Variants in COL22A1 observed in about 807,000 individuals in gnomAD.
COL22A1 encodes the protein collagen alpha-1(XXII) chain.
A neutral mutation model predicts 248.9 loss-of-function variants in COL22A1; 221 were observed. The observed-to-expected ratio is 0.89, with a 90% CI of 0.80 to 0.99. The LOEUF is 0.99. Among genes scored for constraint, COL22A1 ranks in the 50% least tolerant of loss-of-function variants. COL22A1 has a pLI of 0.00. For missense variants in COL22A1, 2,240 were observed against 2,179.0 expected, an observed-to-expected ratio of 1.03 and a Z score of -0.56; for synonymous variants, 891 against 793.4, an observed-to-expected ratio of 1.12 and a Z score of -2.07.
rs570219516 is a variant in COL22A1, at chr8:138,657,215, C to A, written c.3286-1271G>T. On this transcript the variant is annotated intron_variant, in intron 44 of 64. Coordinates refer to ENST00000303045, the MANE Select transcript of COL22A1 (RefSeq NM_152888.3). ...GGCTAAAGCCAAGGCCAACACCTCC[C>A]CAGTTATCTGAGTGACGTCCTCTGA... 6.6e-5 allele frequency among the ~76,000 whole-genome samples: 10 copies of A among 152,328 alleles called. No individual in the cohort carries two copies. The East Asian group carries it at 1.7e-3, about 26-fold the overall frequency.
chr8:138,821,317 C>T lies in COL22A1; in HGVS notation c.1064G>A (p.Arg355Gln), dbSNP rs200816628. 6.7e-5 allele frequency: 108 copies of T among 1,614,014 alleles called. No homozygotes were observed. Among genetic ancestry groups the T allele is most frequent in the Non-Finnish European group, 8.6e-5 (101 of 1,180,014 alleles). Residue 355 changes from arginine (R) to glutamine (Q), a missense_variant, in exon 7 of 65, where the codon CGG becomes CAG. Physicochemically the swap from Arg to Gln is conservative, Grantham distance 43 (BLOSUM62 1). Transcript: ENST00000303045. ...GTCCCGGTCAAAGAGGTCATTGACC[C>T]GAGAACCTCGGAAGACCACCCTGAC... ...DAVRVVFRGS[R>Q]VNDLFDRDWH...
intron 6 of COL22A1, among the ~76,000 whole-genome samples, chr8:138,824,344 T>C (rs980577375): frequency 1.3e-5 from 2 of 152,210 alleles, no homozygotes; most frequent in African/African-American, 4.8e-5. Context: ...AGGCACTTTC[T>C]ATGTCAGCTC....
chr8:138,601,770 G>A (rs989208865), intron 60 of COL22A1, among the ~76,000 whole-genome samples: 21 of 152,202 alleles, frequency 1.4e-4, no homozygotes, highest in African/African-American at 5.1e-4. Context: ...AGCCGAGCCC[G>A]TCTCGGCGGG....
intron 12 of COL22A1, among the ~76,000 whole-genome samples, chr8:138,785,637 T>C (rs1815452957): frequency 6.6e-6 from 1 of 152,110 alleles, no homozygotes; most frequent in South Asian, 2.1e-4. Flanking sequence ...GATGTCTTGA[T>C]GGGATGGGCT....
In COL22A1 at chr8:138,767,232, A is replaced by G. The variant is rs528923113; in HGVS notation, c.1804-4766T>C. Among the ~76,000 whole-genome samples, 3 of 152,344 alleles carry G rather than the reference A, an allele frequency of 2.0e-5. No homozygotes were observed. In the South Asian group the frequency reaches 6.2e-4, roughly 32 times the overall value. On this transcript the variant is annotated intron_variant, in intron 16 of 64. Transcript: ENST00000303045. Reference sequence around the variant, plus strand: ...TGCGCATTAACAGTCAGTTAGGCCAAACGAAGGATGACTGTGTGGAATGGG... The same window carrying G: ...TGCGCATTAACAGTCAGTTAGGCCAGACGAAGGATGACTGTGTGGAATGGG...
At chr8:138,832,321 G>A (rs374612004) in intron 5 of COL22A1, among the ~76,000 whole-genome samples, 9 of 152,040 alleles carry the variant, frequency 5.9e-5, no homozygotes, top group East Asian at 3.9e-4. Flanking sequence ...CCGTGGACTC[G>A]CCCTGAATGC....
intron 30 of COL22A1, among the ~76,000 whole-genome samples, chr8:138,704,291 C>T (rs201230527): frequency 1.7e-4 from 26 of 152,308 alleles, no homozygotes; most frequent in East Asian, 1.2e-3. Context: ...TCTCCCAGCA[C>T]GGAGTTTGAG....
At chr8:138,734,839 A>G (rs1830987894) in intron 23 of COL22A1, among the ~76,000 whole-genome samples, 1 of 152,244 alleles carries the variant, frequency 6.6e-6, no homozygotes, top group Admixed American at 6.5e-5. Flanking sequence ...TGCAGCCATA[A>G]AAAAGGATGA....
intron 17 of COL22A1, among the ~76,000 whole-genome samples, chr8:138,762,147 G>A (rs6577945): frequency 0.56 from 84,853 of 152,024 alleles, 25,385 homozygotes; most frequent in East Asian, 0.8. Flanking sequence ...GAAAACGTGC[G>A]CGTGGTCAGA....
Position 138,646,664 on chromosome 8 carries a change from C to A in COL22A1, c.3466G>T (p.Gly1156Cys). Residue 1156 changes from glycine (G) to cysteine (C), a missense_variant, in exon 47 of 65, where the codon GGC (glycine) becomes TGC (cysteine). Gly to Cys is a radical substitution (Grantham distance 159). Transcript: ENST00000303045. ...EGKKGEAGPP[G>C]LPGPPGIAGP... ...GCTATTCCTGGGGGCCCTGGTAGGC[C>A]TGGAGGCCCAGCCTCTCCCTGTATC... The A allele has an allele frequency of 6.3e-7, 1 of 1,580,426 alleles. No homozygotes were observed. Among genetic ancestry groups the A allele is most frequent in the South Asian group, 1.2e-5 (1 of 85,256 alleles).
At chr8:138,697,682 T>C (rs1472049756) in intron 32 of COL22A1, among the ~76,000 whole-genome samples, 1 of 152,178 alleles carries the variant, frequency 6.6e-6, no homozygotes, top group Non-Finnish European at 1.5e-5. Context: ...TTCCATTCTC[T>C]TCCTTCATTA....
chr8:138,617,713 T>C (rs1190450069), intron 53 of COL22A1, among the ~76,000 whole-genome samples: 5 of 152,284 alleles, frequency 3.3e-5, no homozygotes, highest in African/African-American at 1.2e-4. Flanking sequence ...TGCTCTTAAG[T>C]TTCATGCAAC....
At chr8:138,871,640 A>C (rs1195748912) in intron 3 of COL22A1, among the ~76,000 whole-genome samples, 1 of 152,202 alleles carries the variant, frequency 6.6e-6, no homozygotes, top group African/African-American at 2.4e-5. Flanking sequence ...TGTAACTCTC[A>C]TGCTTCAGAA....
intron 41 of COL22A1, 62 bp downstream of exon 41, chr8:138,676,496 G>A: frequency 1.3e-6 from 1 of 772,326 alleles, no homozygotes; most frequent in Non-Finnish European, 1.9e-6. Flanking sequence ...CTGCAGGCAG[G>A]TCCAACAGGA....
chr8:138,661,346 T>C (rs1823939684), intron 43 of COL22A1, among the ~76,000 whole-genome samples: 2 of 152,212 alleles, frequency 1.3e-5, no homozygotes, highest in African/African-American at 2.4e-5. Context: ...ACTACAGAGA[T>C]GAAAAGTTGT....
intron 18 of COL22A1, among the ~76,000 whole-genome samples, chr8:138,757,472 A>AT (rs1833110315): frequency 1.4e-5 from 1 of 71,958 alleles, no homozygotes; most frequent in East Asian, 1.4e-3. Flanking sequence ...ATATTACACC[A>AT]CAAAAGTGAG....
At chr8:138,874,290 C>T (rs1163586046) in intron 3 of COL22A1, among the ~76,000 whole-genome samples, 3 of 152,176 alleles carry the variant, frequency 2.0e-5, no homozygotes, top group African/African-American at 7.2e-5. Context: ...TTCACAGAAT[C>T]CATGAGCTTT....
At chr8:138,744,392 G>A (rs187230667) in intron 22 of COL22A1, among the ~76,000 whole-genome samples, 1 of 152,150 alleles carries the variant, frequency 6.6e-6, no homozygotes, top group Admixed American at 6.5e-5. Context: ...CAGGTATTGA[G>A]GGTCCTAGAT....
rs149311175 is a variant in COL22A1, at chr8:138,826,752, T to G, written c.875A>C (p.Glu292Ala). Residue 292 changes from glutamate (E) to alanine (A), a missense_variant, in exon 6 of 65, where the codon GAG becomes GCG. Transcript: ENST00000303045. ...CCGGAAGGTTGTGACAAAGGCGTAC[T>G]CATCAGGTAAACCTTGGGGGAACAC... The part of the protein sequence containing the change: ...EDVFPQGLPD[E>A]YAFVTTFRFR... 1 of 1,613,946 alleles carries G rather than the reference T, an allele frequency of 6.2e-7. No individual in the cohort carries two copies. Among genetic ancestry groups the G allele is most frequent in the East Asian group, 2.2e-5 (1 of 44,884 alleles).
Sources: allele counts gnomAD v4.1 joint callset (sites outside exome capture counted in the v4.1 genomes callset), GRCh38; gene constraint gnomAD v4.1.1; transcripts MANE v1.5; gene names NCBI Gene and HGNC (gene_info 2026-07-23, HGNC 2026-07-21).